The following PLCH2 variants were observed in gnomAD, a reference collection of about 807,000 sequenced individuals.
PLCH2 encodes the protein 1-phosphatidylinositol 4,5-bisphosphate phosphodiesterase eta-2.
A neutral mutation model predicts 134.7 loss-of-function variants in PLCH2; 98 were observed. The observed-to-expected ratio is 0.73, with a 90% CI of 0.62 to 0.86. The LOEUF is 0.86. Among genes scored for constraint, PLCH2 ranks in the 40% least tolerant of loss-of-function variants. The pLI, the probability that PLCH2 is intolerant of heterozygous loss-of-function variation, is 0.00. For missense variants in PLCH2, 1,994 were observed against 1,986.6 expected (o/e 1.00, Z -0.07); for synonymous variants, 974 against 827.5 (o/e 1.18, Z -3.04).
chr1:2,439,675 G>A lies in PLCH2; in HGVS notation c.115+9046G>A, dbSNP rs531070301. On this transcript the variant is annotated intron_variant, in intron 2 of 3. Coordinates refer to the PLCH2 transcript ENST00000609981. This position sits in a 1 kb window ranked among gnomAD's most constrained non-coding sequence, Gnocchi z 4.7. ...TGCAGAAGGGCCTCTGAGACCTCCC[G>A]CCCAGGTCTCTGGCCCTGAGCCATC... Among the ~76,000 whole-genome samples the A allele has an allele frequency of 1.3e-5, 2 of 152,258 alleles. No homozygotes were observed. Among genetic ancestry groups the A allele is most frequent in the East Asian group, 1.9e-4 (1 of 5,184 alleles).
intron 2 of PLCH2, among the ~76,000 whole-genome samples, chr1:2,455,373 C>G (rs912287783): frequency 2.6e-5 from 4 of 152,196 alleles, no homozygotes; most frequent in African/African-American, 9.6e-5. Context: ...GCCAGGCCCC[C>G]TCTGCATCCC....
At chr1:2,440,958 A>G (rs6688934) in intron 2 of PLCH2, among the ~76,000 whole-genome samples, 93,378 of 152,036 alleles carry the variant, frequency 0.61, 30,419 homozygotes, top group East Asian at 0.87. Context: ...CACAACTGCC[A>G]AGATCTGGCT....
upstream of PLCH2, among the ~76,000 whole-genome samples, chr1:2,471,357 G>A (rs1177029861): frequency 6.6e-6 from 1 of 152,212 alleles, no homozygotes; most frequent in African/African-American, 2.4e-5. Flanking sequence ...TGCACAAGAA[G>A]GGCTGCACTG....
At chr1:2,474,868 C>T (rs887789165), upstream of PLCH2, among the ~76,000 whole-genome samples, 2 of 152,200 alleles carry the variant, frequency 1.3e-5, no homozygotes, top group African/African-American at 4.8e-5. Context: ...TCCAGGCCCT[C>T]AGGCCACCTC....
intron 2 of PLCH2, among the ~76,000 whole-genome samples, chr1:2,441,187 G>A (rs115568605): frequency 0.048 from 7,367 of 152,248 alleles, 597 homozygotes; most frequent in African/African-American, 0.17. Context: ...CTAGAGGGCC[G>A]GGGGATGGGA....
At chr1:2,485,727 G>A (rs1202241678) in intron 5 of PLCH2, among the ~76,000 whole-genome samples, 1 of 152,140 alleles carries the variant, frequency 6.6e-6, no homozygotes, top group Non-Finnish European at 1.5e-5. Flanking sequence ...CACCTGCGCT[G>A]CGTCAGCCTC....
chr1:2,426,707 G>T (rs1045351469), intron 1 of PLCH2, among the ~76,000 whole-genome samples: 2 of 152,260 alleles, frequency 1.3e-5, no homozygotes, highest in East Asian at 1.9e-4. Context: ...ATTCCTGCCC[G>T]CTGTGAGCAT....
At position 2,502,293 on chromosome 1, in the gene PLCH2, T is replaced by A; in HGVS notation, c.2843T>A (p.Val948Asp). 6.5e-7 allele frequency: 1 copy of A among 1,537,964 alleles called. No individual in the cohort carries two copies. The highest frequency in any genetic ancestry group is 8.7e-7 in the Non-Finnish European group (1 of 1,142,940). The stretch of plus-strand genomic sequence containing the variant: ...GGCCGCAGGGGCTTCCCGGAGCTGG[T>A]CCTGGGTACACGGGACACAGGCTCC... The part of the protein sequence containing the change: ...KPGRRGFPEL[V>D]LGTRDTGSKG... Residue 948 changes from valine to aspartate, a missense_variant, in exon 21 of 22, where the codon GTC becomes GAC. Val to Asp is a radical substitution (Grantham distance 152). Transcript: ENST00000378486.
upstream of PLCH2, among the ~76,000 whole-genome samples, chr1:2,424,559 T>TA (rs1209526699): frequency 6.6e-6 from 1 of 152,238 alleles, no homozygotes; most frequent in Non-Finnish European, 1.5e-5. Context: ...TCTTCCTTTT[T>TA]AAAGGCTGAG....
chr1:2,447,711 C>A (rs559449196), intron 2 of PLCH2, among the ~76,000 whole-genome samples: 1 of 152,190 alleles, frequency 6.6e-6, no homozygotes, highest in Admixed American at 6.5e-5. Flanking sequence ...GGAGCTTCAG[C>A]GGTGGTAACC....
Position 2,495,466 on chromosome 1 carries a change from C to T in PLCH2, c.1753-22C>T, listed in dbSNP as rs1034103068. The T allele has an allele frequency of 3.2e-6, 5 of 1,548,784 alleles. No individual in the cohort carries two copies. The African/African-American group carries it at 6.9e-5, about 21-fold the overall frequency. ...GGCCTGGGCCAGAGGCCCTACAGCTCACACCTCTGCCCCCCGCACAGAAGA... is the reference window on the plus strand; with the variant it reads ...GGCCTGGGCCAGAGGCCCTACAGCTTACACCTCTGCCCCCCGCACAGAAGA... On this transcript the variant is annotated intron_variant, in intron 12 of 21. Transcript: ENST00000378486.
At chr1:2,440,802 G>C (rs563093868) in intron 2 of PLCH2, among the ~76,000 whole-genome samples, 1 of 152,224 alleles carries the variant, frequency 6.6e-6, no homozygotes, top group Non-Finnish European at 1.5e-5. Context: ...TTTTGGCTTC[G>C]TGCAGGAGGC....
chr1:2,476,609 C>A lies in PLCH2; in HGVS notation c.21C>A (p.Ser7=), dbSNP rs567127240. The A allele has an allele frequency of 6.3e-7, 1 of 1,584,144 alleles. No individual in the cohort carries two copies. Among genetic ancestry groups the A allele is most frequent in the Admixed American group, 1.8e-5 (1 of 55,640 alleles). The change falls in exon 1 of 22, where the codon TCC becomes TCA. Residue 7 remains serine, a synonymous_variant. Transcript: ENST00000378486. MSGPWP[S]PDSRTKGTVA... The stretch of plus-strand genomic sequence containing the variant: ...AGGCCATGTCTGGTCCATGGCCCTC[C>A]CCCGACAGCCGGACCAAGGGAACGG...
At chr1:2,475,989 G>C (rs2100638268), upstream of PLCH2, among the ~76,000 whole-genome samples, 1 of 152,328 alleles carries the variant, frequency 6.6e-6, no homozygotes, top group South Asian at 2.1e-4. Context: ...TCCAGGCCCA[G>C]CCTCGGCATC....
At chr1:2,437,443 A>C (rs1226692733) in intron 2 of PLCH2, among the ~76,000 whole-genome samples, 1 of 147,854 alleles carries the variant, frequency 6.8e-6, no homozygotes, top group African/African-American at 2.5e-5. Context: ...CCCTGACTCC[A>C]GGCCTCCCTG....
chr1:2,495,610 G>A (rs1446942855), intron 13 of PLCH2, 40 bp downstream of exon 13: 1 of 1,452,828 alleles, frequency 6.9e-7, no homozygotes, highest in African/African-American at 1.4e-5. Flanking sequence ...GCACACTCCT[G>A]GGAGCCTGGC....
chr1:2,454,961 C>T (rs1640417868), intron 2 of PLCH2, among the ~76,000 whole-genome samples: 1 of 152,112 alleles, frequency 6.6e-6, no homozygotes, highest in Non-Finnish European at 1.5e-5. Flanking sequence ...GCTGGACCCT[C>T]CCTGCCTGGG....
At chr1:2,468,768 G>A (rs992832191) in intron 1 of PLCH2, among the ~76,000 whole-genome samples, 3 of 152,208 alleles carry the variant, frequency 2.0e-5, no homozygotes, top group African/African-American at 7.2e-5. Context: ...GACTGGGGAC[G>A]GGTTGCTGGT....
rs1332142336 is a variant in PLCH2, at chr1:2,503,905, C to A, written c.2960-17C>A. On this transcript the variant is annotated splice_polypyrimidine_tract_variant and intron_variant, in intron 21 of 21. Transcript: ENST00000378486. Reference sequence around the variant, plus strand: ...CTTCTCCCTCTGGCTCTCTCTCACTCCCCCACCTCCCCACAGACACCCGCC... The same window carrying A: ...CTTCTCCCTCTGGCTCTCTCTCACTACCCCACCTCCCCACAGACACCCGCC... 2 of 707,632 alleles carry A rather than the reference C, an allele frequency of 2.8e-6. No individual in the cohort carries two copies. Among genetic ancestry groups the A allele is most frequent in the African/African-American group, 1.8e-5 (1 of 55,894 alleles). 43.8% of individuals were successfully genotyped at this position (707,632 alleles called of 1,614,324 possible). A position where few individuals can be genotyped will look rare whatever the true frequency, so the allele number is the denominator to read the frequency against.
Sources: gnomAD v4.1 joint callset for allele counts (sites outside exome capture counted in the v4.1 genomes callset) on GRCh38, gnomAD v4.1.1 for gene constraint, Gnocchi (gnomAD v3.1) non-coding constraint, MANE v1.5 for transcripts, NCBI Gene and HGNC (gene_info 2026-07-23, HGNC 2026-07-21) for gene names.